The following SLC26A6 variants were observed in gnomAD, a reference collection of about 807,000 sequenced individuals.
SLC26A6 encodes anion exchange transporter.
Under a neutral mutation model 87.1 loss-of-function variants are expected in SLC26A6, and 67 were observed. The observed-to-expected ratio is 0.77, with a 90% CI of 0.63 to 0.94. SLC26A6 has a LOEUF of 0.94. Ranked by LOEUF, SLC26A6 falls within the 40% of genes least tolerant of loss-of-function variation. SLC26A6 has a pLI of 0.00. For missense variants in SLC26A6, 902 were observed against 973.0 expected, an observed-to-expected ratio of 0.93 and a Z score of 0.97; for synonymous variants, 414 against 405.9, an observed-to-expected ratio of 1.02 and a Z score of -0.24.
chr3:48,632,220 G>A (rs2046823499), intron 5 of SLC26A6, 25 bp downstream of exon 5: 1 of 1,573,344 alleles, frequency 6.4e-7, no homozygotes, highest in African/African-American at 1.3e-5. Flanking sequence ...GTGGTGGGGG[G>A]CACATACTCC....
intron 4 of SLC26A6, 167 bp downstream of exon 4, chr3:48,632,807 G>A: frequency 1.4e-6 from 1 of 731,540 alleles, no homozygotes; most frequent in Non-Finnish European, 2.4e-6. Flanking sequence ...TGGTCCTACA[G>A]TCAGGGGTCT....
intron 1 of SLC26A6, 54 bp downstream of exon 1, chr3:48,635,317 C>A: frequency 6.6e-7 from 1 of 1,522,162 alleles, no homozygotes; most frequent in East Asian, 2.5e-5. Context: ...GCGGAGAATG[C>A]CTGCTCCAGC....
At chr3:48,629,374 C>G (rs2046715689) in intron 14 of SLC26A6, among the ~76,000 whole-genome samples, 1 of 152,282 alleles carries the variant, frequency 6.6e-6, no homozygotes, top group Middle Eastern at 3.4e-3. Flanking sequence ...GCTCTCTGAC[C>G]CACGGCTGCT....
In SLC26A6 at chr3:48,626,291, A is replaced by T. The variant is rs2046619704; in HGVS notation, c.2192T>A (p.Leu731His). Residue 731 changes from leucine to histidine, a missense_variant, in exon 20 of 21, where the codon CTC (leucine) becomes CAC (histidine). This residue lies in a region of SLC26A6 where 99 missense variants were observed against 100.1 expected (regional missense o/e 0.99). Transcript: ENST00000395550. ...FFDASITKKH[L>H]FASVHDAVTF... ...GACAGCATCATGGACAGAGGCAAAG[A>T]GATGCTTCTTGGTGATGGATGCATC... 6.2e-7 allele frequency: 1 copy of T among 1,614,028 alleles called. No homozygotes were observed.
chr3:48,630,738 G>T lies in SLC26A6; in HGVS notation c.1135-18C>A. ...ACCAGCTCCTGACGGGGGACAGTAC[G>T]GGTGTGAGAAGACTTCCTAGAAGTG... On this transcript the variant is annotated intron_variant, in intron 9 of 20. Coordinates refer to ENST00000395550, the MANE Select transcript of SLC26A6 (RefSeq NM_022911.3). 1.3e-6 allele frequency: 2 copies of T among 1,582,948 alleles called. No homozygotes were observed. Among genetic ancestry groups the T allele is most frequent in the Non-Finnish European group, 1.7e-6 (2 of 1,163,038 alleles).
Position 48,629,911 on chromosome 3 carries a change from A to G in SLC26A6, c.1490T>C (p.Val497Ala), listed in dbSNP as rs778737374. ...CACCACGAGCAGCAGGGAGAAGATG[A>G]CCGCAACCACCAAGCCAAGGTCCAG... Reference protein sequence around the residue: ...LNLDLGLVVAVIFSLLLVVVR... With the variant: ...LNLDLGLVVAAIFSLLLVVVR... Residue 497 changes from valine (V) to alanine (A), a missense_variant, in exon 13 of 21, where the codon GTC becomes GCC. Physicochemically the swap from Val to Ala is moderately conservative, Grantham distance 64. This residue lies in a region of SLC26A6 where 800 missense variants were observed against 856.8 expected (regional missense o/e 0.93). Coordinates refer to ENST00000395550, the MANE Select transcript of SLC26A6 (RefSeq NM_022911.3). 2 of 1,614,112 alleles carry G rather than the reference A, an allele frequency of 1.2e-6. No individual in the cohort carries two copies. The highest frequency in any genetic ancestry group is 1.7e-6 in the Non-Finnish European group (2 of 1,180,028).
chr3:48,626,424 A>G (rs2046623930), intron 19 of SLC26A6, 70 bp from the exon 20 acceptor site: 34 of 1,607,110 alleles, frequency 2.1e-5, no homozygotes, highest in Non-Finnish European at 2.3e-5. Context: ...GAGCCAACAG[A>G]ATGCCCTGAC....
intron 19 of SLC26A6, 50 bp from the exon 20 acceptor site, chr3:48,626,404 C>A: frequency 6.2e-7 from 1 of 1,612,148 alleles, no homozygotes; most frequent in South Asian, 1.1e-5. Flanking sequence ...TCTAGGAACT[C>A]AACTCCCGGG....
intron 20 of SLC26A6, 27 bp from the exon 21 acceptor site, chr3:48,626,027 T>C: frequency 6.2e-7 from 1 of 1,613,664 alleles, no homozygotes; most frequent in Non-Finnish European, 8.5e-7. Context: ...GGGGAGGCTC[T>C]AGTCAGTTTC....
rs1461742368 is a variant in SLC26A6, at chr3:48,628,456, T to C, written c.1778A>G (p.Lys593Arg). 6.2e-7 allele frequency: 1 copy of C among 1,614,070 alleles called. No individual in the cohort carries two copies. Among genetic ancestry groups the C allele is most frequent in the Admixed American group, 1.7e-5 (1 of 60,022 alleles). ...TGCCTGTTTCCGAAGCTTCTCCTCT[T>C]TCTGCAGTTGCTTCAGCTTCAGCTG... ...QEQLKLKQLQ[K>R]EEKLRKQAAS... The change falls in exon 16 of 21, where the codon AAA (lysine) becomes AGA (arginine). Residue 593 changes from lysine (K) to arginine (R), a missense_variant. Physicochemically the swap from Lys to Arg is conservative, Grantham distance 26. This residue lies in a region of SLC26A6 where 800 missense variants were observed against 856.8 expected (regional missense o/e 0.93). Coordinates refer to ENST00000395550, the MANE Select transcript of SLC26A6 (RefSeq NM_022911.3). The surrounding 1 kb of genome is among the most constrained non-coding windows in gnomAD (Gnocchi z 4.4).
At chr3:48,631,356 G>T in intron 7 of SLC26A6, 50 bp from the exon 8 acceptor site, 1 of 1,498,416 alleles carries the variant, frequency 6.7e-7, no homozygotes, top group Non-Finnish European at 8.9e-7. Context: ...CCATGGTCAG[G>T]GGGACACATA....
intron 8 of SLC26A6, 33 bp downstream of exon 8, chr3:48,631,191 A>G (rs2106663448): frequency 6.2e-7 from 1 of 1,611,450 alleles, no homozygotes; most frequent in Non-Finnish European, 8.5e-7. Context: ...TGGCTGCCCA[A>G]CCCTCCCTGA....
intron 17 of SLC26A6, 32 bp from the exon 18 acceptor site, chr3:48,627,087 C>T (rs781166340): frequency 4.4e-6 from 7 of 1,600,690 alleles, no homozygotes; most frequent in African/African-American, 4.0e-5. Flanking sequence ...CAGGGCCACC[C>T]ATGAGAGAGT....
Position 48,631,798 on chromosome 3 carries a change from C to A in SLC26A6, c.754G>T (p.Val252Leu). 1 of 1,613,528 alleles carries A rather than the reference C, an allele frequency of 6.2e-7. No individual in the cohort carries two copies. The highest frequency in any genetic ancestry group is 8.5e-7 in the Non-Finnish European group (1 of 1,179,998). ...GGCAGCTTCCAGCAGACCTCCAGCA[C>A]TGTCTGAGGAGAGGCCAGGTCACAG... ...HSGPLSLIYTVLEVCWKLPQS... is the reference protein window; with the variant it reads ...HSGPLSLIYTLLEVCWKLPQS... The change falls in exon 7 of 21, where the codon GTG becomes TTG. Residue 252 changes from valine (V) to leucine (L), a missense_variant. By Grantham distance (32) the Val-to-Leu change is conservative (BLOSUM62 1). Transcript: ENST00000395550.
chr3:48,628,436 G>A lies in SLC26A6; in HGVS notation c.1798C>T (p.Gln600Ter). The change falls in exon 16 of 21, where the codon CAG (glutamine) becomes TAG (stop). Residue 600 changes from glutamine to a stop codon, truncating the protein, a stop_gained and splice_region_variant. Transcript: ENST00000395550. LOFTEE classifies it high-confidence loss of function. The surrounding 1 kb of genome is among the most constrained non-coding windows in gnomAD (Gnocchi z 4.4). ...TCACCAGACAAAAGGGGCCCTGCCT[G>A]TTTCCGAAGCTTCTCCTCTTTCTGC... ...QLQKEEKLRKQAASPKGASVS... is the reference protein window; with the variant it reads ...QLQKEEKLRK The A allele has an allele frequency of 3.1e-6, 5 of 1,613,964 alleles. No individual in the cohort carries two copies. The highest frequency in any genetic ancestry group is 4.2e-6 in the Non-Finnish European group (5 of 1,179,988).
chr3:48,631,771 G>C lies in SLC26A6; in HGVS notation c.781C>G (p.Gln261Glu). 1 of 1,613,564 alleles carries C rather than the reference G, an allele frequency of 6.2e-7. No homozygotes were observed. Among genetic ancestry groups the C allele is most frequent in the Non-Finnish European group, 8.5e-7 (1 of 1,180,010 alleles). ...TVLEVCWKLPQSKVGTVVTAA... is the reference protein window; with the variant it reads ...TVLEVCWKLPESKVGTVVTAA... ...GTGACCACGGTGCCAACCTTGCTCT[G>C]GGGCAGCTTCCAGCAGACCTCCAGC... The change falls in exon 7 of 21, where the codon CAG (glutamine) becomes GAG (glutamate). Residue 261 changes from glutamine to glutamate, a missense_variant. Around this residue, in one of 3 missense-constraint regions of SLC26A6, gnomAD observed 800 missense variants for 856.8 expected, o/e 0.93. Transcript: ENST00000395550.
rs1400422615 is a variant in SLC26A6 at position 48,631,758 on chromosome 3, C to G, written c.794G>C (p.Gly265Ala). 1 of 1,613,582 alleles carries G rather than the reference C, an allele frequency of 6.2e-7. No homozygotes were observed. Among genetic ancestry groups the G allele is most frequent in the Non-Finnish European group, 8.5e-7 (1 of 1,180,022 alleles). ...AGCCACAGCTGCAGTGACCACGGTG[C>G]CAACCTTGCTCTGGGGCAGCTTCCA... Reference protein sequence around the residue: ...VCWKLPQSKVGTVVTAAVAGV... With the variant: ...VCWKLPQSKVATVVTAAVAGV... The change falls in exon 7 of 21, where the codon GGC (glycine) becomes GCC (alanine). Residue 265 changes from glycine (G) to alanine (A), a missense_variant. Physicochemically the swap from Gly to Ala is moderately conservative, Grantham distance 60 (BLOSUM62 0). Transcript: ENST00000395550.
chr3:48,626,577 C>T (rs543490310), intron 19 of SLC26A6, 54 bp downstream of exon 19: 1 of 1,612,194 alleles, frequency 6.2e-7, no homozygotes, highest in East Asian at 2.2e-5. Flanking sequence ...ACCCCTTGGC[C>T]AAAAGTATCC....
chr3:48,627,885 A>G, intron 17 of SLC26A6, 61 bp downstream of exon 17: 3 of 1,488,394 alleles, frequency 2.0e-6, no homozygotes, highest in Non-Finnish European at 1.8e-6. Flanking sequence ...CTCATGAGAC[A>G]TGTGGATCCT....
Sources: gnomAD v4.1 joint callset for allele counts (sites outside exome capture counted in the v4.1 genomes callset) on GRCh38, gnomAD v4.1.1 for gene constraint, gnomAD v4.1.1 regional missense constraint, Gnocchi (gnomAD v3.1) non-coding constraint, MANE v1.5 for transcripts, NCBI Gene and HGNC (gene_info 2026-07-23, HGNC 2026-07-21) for gene names.